The following DPP6 variants were observed in gnomAD, a reference collection of about 807,000 sequenced individuals.
DPP6 encodes A-type potassium channel modulatory protein DPP6.
In DPP6, 69 loss-of-function variants were observed where a neutral mutation model predicts 122.6. That is an observed-to-expected ratio of 0.56 (90% confidence interval 0.46 to 0.69). The LOEUF is 0.69. DPP6 is among the 30% of genes least tolerant of loss of function. The pLI is 0.00. For synonymous variants in DPP6, 418 were observed against 433.1 expected (o/e 0.97, Z 0.43); for missense variants, 928 against 1,116.9 (o/e 0.83, Z 2.41).
At chr7:154,031,859 TTG>T (rs1200955900) in intron 1 of DPP6, among the ~76,000 whole-genome samples, 11 of 136,284 alleles carry the variant, frequency 8.1e-5, no homozygotes, top group South Asian at 6.9e-4. Flanking sequence ...TTCCTTTTTT[TTG>T]TTTTTTTTTT....
chr7:154,611,861 G>A (rs201085977), intron 5 of DPP6, among the ~76,000 whole-genome samples: 2 of 56,370 alleles, frequency 3.5e-5, no homozygotes, highest in East Asian at 1.4e-3. Flanking sequence ...ATATATGTGT[G>A]TGTGTGTGTG....
intron 1 of DPP6, among the ~76,000 whole-genome samples, chr7:154,044,971 G>C (rs1189788134): frequency 6.6e-6 from 1 of 152,078 alleles, no homozygotes; most frequent in Non-Finnish European, 1.5e-5. Context: ...ATGGGAAAAG[G>C]CTCTCTGCTA....
intron 1 of DPP6, among the ~76,000 whole-genome samples, chr7:153,898,022 A>C (rs1799481987): frequency 6.6e-6 from 1 of 152,258 alleles, no homozygotes; most frequent in African/African-American, 2.4e-5. Context: ...ATGTGAAGCC[A>C]AGAGCATCAG....
intron 1 of DPP6, among the ~76,000 whole-genome samples, chr7:153,944,561 G>A (rs558499744): frequency 6.6e-6 from 1 of 152,100 alleles, no homozygotes; most frequent in African/African-American, 2.4e-5. Context: ...GGAGGGTAGT[G>A]CCAGCACACA....
At chr7:154,305,826 AC>A (rs1806292337) in intron 1 of DPP6, among the ~76,000 whole-genome samples, 1 of 151,922 alleles carries the variant, frequency 6.6e-6, no homozygotes, top group South Asian at 2.1e-4. Flanking sequence ...GGCACAGGGA[AC>A]CTCTGTCAAG....
intron 1 of DPP6, among the ~76,000 whole-genome samples, chr7:154,427,698 A>G (rs1818027409): frequency 3.3e-5 from 5 of 152,204 alleles, no homozygotes; most frequent in Admixed American, 3.3e-4. Context: ...TGATTCATAG[A>G]TGAATGCCTA....
intron 1 of DPP6, among the ~76,000 whole-genome samples, chr7:154,364,012 G>T (rs1467735942): frequency 6.6e-6 from 1 of 152,122 alleles, no homozygotes; most frequent in African/African-American, 2.4e-5. Flanking sequence ...GGAGTGTGTT[G>T]TCTGTCCAGC....
intron 1 of DPP6, among the ~76,000 whole-genome samples, chr7:154,135,458 C>A (rs1012098852): frequency 1.3e-5 from 2 of 151,360 alleles, no homozygotes; most frequent in Admixed American, 6.6e-5. Context: ...CATTTCCTAT[C>A]TGTGTACTTC....
intron 2 of DPP6, among the ~76,000 whole-genome samples, chr7:154,465,920 C>T (rs1485307808): frequency 6.6e-6 from 1 of 152,128 alleles, no homozygotes; most frequent in Non-Finnish European, 1.5e-5. Context: ...ATGTTTATTG[C>T]AGGACTATTC....
At chr7:154,774,652 C>T (rs1796455938) in intron 10 of DPP6, among the ~76,000 whole-genome samples, 1 of 152,224 alleles carries the variant, frequency 6.6e-6, no homozygotes, top group African/African-American at 2.4e-5. Flanking sequence ...GTCACACTTT[C>T]TCATACTGCT....
At chr7:154,518,407 T>C (rs1826704814) in intron 3 of DPP6, among the ~76,000 whole-genome samples, 1 of 152,182 alleles carries the variant, frequency 6.6e-6, no homozygotes, top group South Asian at 2.1e-4. Context: ...AAGCTTTGGG[T>C]ACATAGAAAA....
At chr7:154,096,695 T>C (rs1585369696) in intron 1 of DPP6, among the ~76,000 whole-genome samples, 1 of 152,188 alleles carries the variant, frequency 6.6e-6, no homozygotes, top group African/African-American at 2.4e-5. Context: ...AAACTACATA[T>C]AGAGACCAAA....
chr7:154,232,025 G>A (rs973518341), intron 1 of DPP6, among the ~76,000 whole-genome samples: 8 of 152,148 alleles, frequency 5.3e-5, no homozygotes, highest in Non-Finnish European at 1.0e-4. Flanking sequence ...AAACAGCCTC[G>A]TGTTTCATGG....
intron 1 of DPP6, among the ~76,000 whole-genome samples, chr7:154,297,063 G>GTTTTTT (rs34506058): frequency 3.7e-4 from 46 of 125,192 alleles, no homozygotes; most frequent in East Asian, 9.3e-4. Flanking sequence ...AATGTATTCT[G>GTTTTTT]TTTTTTTTTT....
chr7:154,759,452 G>T (rs531371872), intron 8 of DPP6, among the ~76,000 whole-genome samples: 1 of 152,336 alleles, frequency 6.6e-6, no homozygotes, highest in East Asian at 1.9e-4. Flanking sequence ...AGGGGCAGCG[G>T]CAATAGGACG....
Position 154,727,759 on chromosome 7 carries a change from C to A in DPP6, c.763-8C>A. The stretch of plus-strand genomic sequence containing the variant: ...TTAATATTATGCTTTTTTCTCTTTC[C>A]AAATTAGATATTTATTTTTGAAAAC... On this transcript the variant is annotated splice_polypyrimidine_tract_variant and splice_region_variant and intron_variant, in intron 7 of 25. Transcript: ENST00000377770. The A allele has an allele frequency of 1.2e-6, 2 of 1,603,812 alleles. No homozygotes were observed. Among genetic ancestry groups the A allele is most frequent in the Middle Eastern group, 1.7e-4 (1 of 6,036 alleles).
At chr7:154,563,114 C>T (rs1830531214) in intron 4 of DPP6, among the ~76,000 whole-genome samples, 1 of 152,122 alleles carries the variant, frequency 6.6e-6, no homozygotes, top group Non-Finnish European at 1.5e-5. Flanking sequence ...GATATATTAG[C>T]TATTGAAGGA....
chr7:154,376,164 T>C (rs1055379279), intron 1 of DPP6, among the ~76,000 whole-genome samples: 1 of 152,196 alleles, frequency 6.6e-6, no homozygotes, highest in Non-Finnish European at 1.5e-5. Flanking sequence ...TTGCTGGCCA[T>C]GTGGAGATTC....
chr7:154,160,498 A>G lies in DPP6; in HGVS notation c.243+107435A>G, dbSNP rs189765285. Among the ~76,000 whole-genome samples the G allele has an allele frequency of 1.1e-3, 172 of 152,306 alleles. 1 individual carries two copies. The highest frequency in any genetic ancestry group is 3.9e-3 in the African/African-American group (164 of 41,558). On this transcript the variant is annotated intron_variant, in intron 1 of 25. Transcript: ENST00000377770. ...GAAGTGCTTGTGTGGTCTACATTGT[A>G]TACAACTATCACGGAAAGTTCAACT... is the stretch of plus-strand genomic sequence containing the variant.
Sources: allele counts gnomAD v4.1 joint callset (sites outside exome capture counted in the v4.1 genomes callset), GRCh38; gene constraint gnomAD v4.1.1; transcripts MANE v1.5; gene names NCBI Gene and HGNC (gene_info 2026-07-23, HGNC 2026-07-21).